CDH18: variants seen among roughly 807,000 people sequenced by gnomAD.
CDH18 encodes the protein cadherin 18.
In CDH18, 31 loss-of-function variants were observed where a neutral mutation model predicts 67.9. The observed-to-expected ratio is 0.46, with a 90% CI of 0.34 to 0.62. The LOEUF (loss-of-function observed/expected upper bound fraction) is 0.62, where lower values mean the gene tolerates loss of function less well. CDH18 is among the 20% of genes least tolerant of loss of function. The pLI, the probability that CDH18 is intolerant of heterozygous loss-of-function variation, is 0.01. For missense variants in CDH18, 890 were observed against 975.5 expected, an observed-to-expected ratio of 0.91 and a Z score of 1.17; for synonymous variants, 362 against 347.2, an observed-to-expected ratio of 1.04 and a Z score of -0.48.
intron 2 of CDH18, among the ~76,000 whole-genome samples, chr5:20,014,194 A>C (rs1307562990): frequency 6.6e-6 from 1 of 152,130 alleles, no homozygotes; most frequent in Non-Finnish European, 1.5e-5. Context: ...AAATATTTAC[A>C]AGAAAAGTCT....
chr5:20,220,327 T>G (rs1219484449), intron 2 of CDH18, among the ~76,000 whole-genome samples: 2 of 151,876 alleles, frequency 1.3e-5, no homozygotes, highest in African/African-American at 4.8e-5. Flanking sequence ...CATACATACT[T>G]CTACAATAAA....
intron 6 of CDH18, among the ~76,000 whole-genome samples, chr5:19,606,535 AAT>A (rs1748071984): frequency 6.6e-6 from 1 of 152,060 alleles, no homozygotes; most frequent in Admixed American, 6.6e-5. Context: ...GTGTGTACTT[AAT>A]ATATTTAATA....
intron 9 of CDH18, among the ~76,000 whole-genome samples, chr5:19,536,961 A>G (rs905218054): frequency 1.3e-5 from 2 of 152,208 alleles, no homozygotes; most frequent in Admixed American, 1.3e-4. Flanking sequence ...ATATTGTGAA[A>G]GATCACTCAG....
Position 19,620,377 on chromosome 5 carries a change from A to G in CDH18, c.644-7776T>C, listed in dbSNP as rs536584891. Among the ~76,000 whole-genome samples, 3 of 152,302 alleles carry G rather than the reference A, an allele frequency of 2.0e-5. No homozygotes were observed. The South Asian group carries it at 6.2e-4, about 32-fold the overall frequency. Reference sequence around the variant, plus strand: ...TGTCAATAACTCCTCTCAGATCACAAGATTACCAATCTGGAAAATTTGAAA... The same window carrying G: ...TGTCAATAACTCCTCTCAGATCACAGGATTACCAATCTGGAAAATTTGAAA... On this transcript the variant is annotated intron_variant, in intron 5 of 12. Coordinates refer to ENST00000382275, the MANE Select transcript of CDH18 (RefSeq NM_004934.5).
At chr5:20,422,160 T>A (rs1476703022) in intron 1 of CDH18, among the ~76,000 whole-genome samples, 1 of 151,016 alleles carries the variant, frequency 6.6e-6, no homozygotes, top group Non-Finnish European at 1.5e-5. Context: ...TTTTTCCAAA[T>A]GTATCTACAT....
At chr5:20,461,006 A>G (rs1751227942) in intron 1 of CDH18, among the ~76,000 whole-genome samples, 1 of 152,114 alleles carries the variant, frequency 6.6e-6, no homozygotes, top group Non-Finnish European at 1.5e-5. Flanking sequence ...CCACGTCTCA[A>G]TTTTCTCTGG....
intron 8 of CDH18, among the ~76,000 whole-genome samples, chr5:19,552,225 C>A (rs1289424885): frequency 6.6e-6 from 1 of 152,064 alleles, no homozygotes; most frequent in East Asian, 1.9e-4. Flanking sequence ...TAATTGTTTT[C>A]TCTTTATGGT....
chr5:20,530,128 C>G (rs529078643), intron 1 of CDH18, among the ~76,000 whole-genome samples: 1 of 152,028 alleles, frequency 6.6e-6, no homozygotes, highest in Non-Finnish European at 1.5e-5. Flanking sequence ...TGAATGAACT[C>G]CCATTCACAG....
intron 1 of CDH18, among the ~76,000 whole-genome samples, chr5:20,487,901 A>G (rs139803337): frequency 5.5e-4 from 84 of 152,192 alleles, no homozygotes; most frequent in African/African-American, 1.5e-3. Context: ...AGATTTCCTC[A>G]ACCACAATTC....
rs138570055 is a variant in CDH18, at chr5:20,346,964, G to T, written c.-579-91459C>A. On this transcript the variant is annotated intron_variant, in intron 1 of 14. Coordinates refer to the CDH18 transcript ENST00000507958. ...TTATCTCTTAGCAGAAAAATGAGGG[G>T]TATGTGCTATAGCAGATACTTCTTG... is the stretch of plus-strand genomic sequence containing the variant. Among the ~76,000 whole-genome samples, 24 of 152,194 alleles carry T rather than the reference G, an allele frequency of 1.6e-4. No individual in the cohort carries two copies. In the East Asian group the frequency reaches 4.5e-3, roughly 28 times the overall value.
In CDH18 at chr5:20,341,952, G is replaced by T. The variant is rs1740301914; in HGVS notation, c.-579-86447C>A. ...AATGAAGCTGGTTGGTTGCTCCTAA[G>T]CTCAGTGGACAAAGTGATGAATGAA... is the stretch of plus-strand genomic sequence containing the variant. On this transcript the variant is annotated intron_variant, in intron 1 of 14. Coordinates refer to the CDH18 transcript ENST00000507958. Among the ~76,000 whole-genome samples, 3 of 152,256 alleles carry T rather than the reference G, an allele frequency of 2.0e-5. No individual in the cohort carries two copies. In the South Asian group the frequency reaches 6.2e-4, roughly 32 times the overall value.
intron 2 of CDH18, among the ~76,000 whole-genome samples, chr5:19,888,339 C>T (rs2150076238): frequency 6.6e-6 from 1 of 152,174 alleles, no homozygotes; most frequent in Admixed American, 6.6e-5. Flanking sequence ...AAATCCTTAA[C>T]AAGGTATATA....
intron 1 of CDH18, among the ~76,000 whole-genome samples, chr5:20,442,964 C>CT (rs1749718678): frequency 6.6e-6 from 1 of 151,564 alleles, no homozygotes; most frequent in South Asian, 2.1e-4. Context: ...AATCCCAGCA[C>CT]TTTGGGAGGC....
intron 2 of CDH18, among the ~76,000 whole-genome samples, chr5:20,229,573 A>G (rs1029569069): frequency 2.6e-5 from 4 of 152,158 alleles, no homozygotes; most frequent in Non-Finnish European, 4.4e-5. Context: ...TCAATTTAGA[A>G]TTTTTAATTA....
intron 1 of CDH18, among the ~76,000 whole-genome samples, chr5:20,520,029 T>C (rs1030361403): frequency 7.4e-6 from 1 of 135,508 alleles, no homozygotes; most frequent in African/African-American, 2.8e-5. Context: ...CTCGAACTCC[T>C]GAGCTAGGTG....
At chr5:20,165,626 A>G (rs1736223003) in intron 2 of CDH18, among the ~76,000 whole-genome samples, 1 of 152,262 alleles carries the variant, frequency 6.6e-6, no homozygotes, top group African/African-American at 2.4e-5. Flanking sequence ...ACATGTAACC[A>G]TTAGGATATT....
intron 2 of CDH18, among the ~76,000 whole-genome samples, chr5:20,165,358 G>T (rs1397726593): frequency 1.3e-5 from 2 of 151,972 alleles, no homozygotes; most frequent in Non-Finnish European, 2.9e-5. Flanking sequence ...ATAGAGAAAT[G>T]ATTAAAGGAC....
At chr5:20,145,819 A>G (rs957342569) in intron 2 of CDH18, among the ~76,000 whole-genome samples, 1 of 152,154 alleles carries the variant, frequency 6.6e-6, no homozygotes, top group African/African-American at 2.4e-5. Context: ...TTCTTCATAT[A>G]CCATCTGGAG....
intron 2 of CDH18, among the ~76,000 whole-genome samples, chr5:20,033,349 A>T (rs956474664): frequency 6.6e-6 from 1 of 152,062 alleles, no homozygotes. Flanking sequence ...TATGACCCTT[A>T]TCAAACAGCC....
Sources: gnomAD v4.1 joint callset for allele counts (sites outside exome capture counted in the v4.1 genomes callset) on GRCh38, gnomAD v4.1.1 for gene constraint, MANE v1.5 for transcripts, NCBI Gene and HGNC (gene_info 2026-07-23, HGNC 2026-07-21) for gene names.